The following ZFAND3 variants were observed in gnomAD, a reference collection of about 807,000 sequenced individuals.
ZFAND3 encodes the protein AN1-type zinc finger protein 3.
In ZFAND3, 10 loss-of-function variants were observed where a neutral mutation model predicts 29.6. That is an observed-to-expected ratio of 0.34 (90% CI 0.21 to 0.57). ZFAND3 has a LOEUF of 0.57. Ranked by LOEUF, ZFAND3 falls within the 20% of genes least tolerant of loss-of-function variation. The pLI, the probability that ZFAND3 is intolerant of heterozygous loss-of-function variation, is 0.86. For missense variants in ZFAND3, 230 were observed against 304.5 expected (o/e 0.76, Z 1.82); for synonymous variants, 128 against 112.6 (o/e 1.14, Z -0.87).
intron 1 of ZFAND3, among the ~76,000 whole-genome samples, chr6:37,887,332 T>C (rs1765013387): frequency 6.6e-6 from 1 of 152,248 alleles, no homozygotes; most frequent in South Asian, 2.1e-4. Context: ...ATTAAATATG[T>C]AATAATCTTG....
intron 2 of ZFAND3, among the ~76,000 whole-genome samples, chr6:38,012,228 T>G (rs1763167932): frequency 6.6e-6 from 1 of 152,124 alleles, no homozygotes; most frequent in Non-Finnish European, 1.5e-5. Flanking sequence ...AAGTACCAAG[T>G]AGTTGAATGA....
intron 1 of ZFAND3, among the ~76,000 whole-genome samples, chr6:37,874,345 G>A (rs182179820): frequency 2.6e-5 from 4 of 151,860 alleles, no homozygotes; most frequent in Admixed American, 6.6e-5. Flanking sequence ...GAGAAACCTC[G>A]CGTCTATTAA....
chr6:38,055,247 C>T (rs769545831), intron 2 of ZFAND3, among the ~76,000 whole-genome samples: 1 of 152,148 alleles, frequency 6.6e-6, no homozygotes, highest in Non-Finnish European at 1.5e-5. Context: ...AAATACCAAA[C>T]TAAAGCTTCT....
chr6:37,939,622 CAA>C (rs1269849440), intron 2 of ZFAND3, among the ~76,000 whole-genome samples: 2 of 152,198 alleles, frequency 1.3e-5, no homozygotes, highest in Non-Finnish European at 2.9e-5. Flanking sequence ...GATGTGCACT[CAA>C]ATTTTATGCT....
chr6:38,001,960 G>A (rs1237720138), intron 2 of ZFAND3, among the ~76,000 whole-genome samples: 1 of 152,082 alleles, frequency 6.6e-6, no homozygotes, highest in South Asian at 2.1e-4. Context: ...ACAGAGTTTA[G>A]CATCCTTGAT....
intron 2 of ZFAND3, among the ~76,000 whole-genome samples, chr6:37,956,346 G>A (rs1762086176): frequency 6.6e-6 from 1 of 152,190 alleles, no homozygotes; most frequent in Admixed American, 6.5e-5. Flanking sequence ...CCCAGGTGCT[G>A]CAGTGGTCTG....
chr6:37,996,148 T>C (rs1296744359), intron 2 of ZFAND3, among the ~76,000 whole-genome samples: 2 of 151,292 alleles, frequency 1.3e-5, no homozygotes, highest in South Asian at 2.1e-4. Flanking sequence ...AAAAAGAGAC[T>C]CTTATCTTTC....
intron 5 of ZFAND3, among the ~76,000 whole-genome samples, chr6:38,120,364 C>T (rs1224657887): frequency 6.0e-5 from 6 of 100,560 alleles, no homozygotes; most frequent in East Asian, 3.1e-4. Flanking sequence ...GAGACGGAGT[C>T]GCCCAGGCTG....
chr6:37,881,364 G>A (rs1450117168), intron 1 of ZFAND3, among the ~76,000 whole-genome samples: 2 of 152,214 alleles, frequency 1.3e-5, no homozygotes, highest in Non-Finnish European at 2.9e-5. Flanking sequence ...GGGATTACAG[G>A]CGTGAGCCAC....
intron 2 of ZFAND3, among the ~76,000 whole-genome samples, chr6:38,048,822 T>C (rs1275663450): frequency 6.6e-6 from 1 of 152,066 alleles, no homozygotes; most frequent in Non-Finnish European, 1.5e-5. Flanking sequence ...GTATTATACC[T>C]CTAAACTTTC....
At chr6:38,136,743 C>G (rs970725232) in intron 5 of ZFAND3, among the ~76,000 whole-genome samples, 3 of 152,196 alleles carry the variant, frequency 2.0e-5, no homozygotes, top group Non-Finnish European at 4.4e-5. Flanking sequence ...CAGCAGGCCA[C>G]TGTTCTCCAC....
At chr6:37,869,119 C>T (rs912846951) in intron 1 of ZFAND3, among the ~76,000 whole-genome samples, 3 of 152,088 alleles carry the variant, frequency 2.0e-5, no homozygotes, top group Non-Finnish European at 2.9e-5. Flanking sequence ...TTCATTGTAT[C>T]GTTCATTTAA....
At chr6:37,872,443 C>CT (rs145215568) in intron 1 of ZFAND3, among the ~76,000 whole-genome samples, 2 of 152,136 alleles carry the variant, frequency 1.3e-5, no homozygotes, top group Non-Finnish European at 1.5e-5. Flanking sequence ...TTTTGTTAAC[C>CT]TTTTTTTGTT....
intron 2 of ZFAND3, among the ~76,000 whole-genome samples, chr6:37,997,365 A>G (rs1762868998): frequency 6.6e-6 from 1 of 152,198 alleles, no homozygotes; most frequent in African/African-American, 2.4e-5. Context: ...GAATGGAGGA[A>G]AGAATAGCAT....
At chr6:37,870,317 A>AG (rs1764670302) in intron 1 of ZFAND3, among the ~76,000 whole-genome samples, 2 of 150,406 alleles carry the variant, frequency 1.3e-5, no homozygotes, top group African/African-American at 4.9e-5. Flanking sequence ...AAAAAAAAAA[A>AG]AAGGGCGGGC....
chr6:38,153,371 GC>G lies in ZFAND3; in HGVS notation c.*985del, dbSNP rs1766275730. 1.0e-6 allele frequency: 1 copy of G among 985,504 alleles called. No individual in the cohort carries two copies. The allele number at this position is 985,504 out of a possible 1,614,324, so 61.0% of individuals were successfully genotyped here. ...GGCTCTGCCCCTTCCAGCTGGAGCCGCCCGTGCCTCCAGGGGCCAAGAGGAT... is the reference window on the plus strand; with the variant it reads ...GGCTCTGCCCCTTCCAGCTGGAGCCGCCGTGCCTCCAGGGGCCAAGAGGAT... On this transcript the variant is annotated 3_prime_UTR_variant, in exon 6 of 6. Transcript: ENST00000287218.
chr6:37,940,598 C>T (rs1489803074), intron 2 of ZFAND3, among the ~76,000 whole-genome samples: 2 of 152,046 alleles, frequency 1.3e-5, no homozygotes, highest in African/African-American at 4.8e-5. Flanking sequence ...GTTCTGCAGG[C>T]TGTACAGGAA....
intron 1 of ZFAND3, among the ~76,000 whole-genome samples, chr6:37,902,015 T>C (rs2127401106): frequency 6.6e-6 from 1 of 152,362 alleles, no homozygotes; most frequent in African/African-American, 2.4e-5. Context: ...TCTGTTAGTT[T>C]GTTGAGTGTC....
At chr6:37,893,474 T>C (rs1172321969) in intron 1 of ZFAND3, among the ~76,000 whole-genome samples, 3 of 152,242 alleles carry the variant, frequency 2.0e-5, no homozygotes, top group African/African-American at 7.2e-5. Flanking sequence ...TGTGTTATTT[T>C]AGTGGTTACT....
Sources: allele counts gnomAD v4.1 joint callset (sites outside exome capture counted in the v4.1 genomes callset), GRCh38; gene constraint gnomAD v4.1.1; transcripts MANE v1.5; gene names NCBI Gene and HGNC (gene_info 2026-07-23, HGNC 2026-07-21).